The following CALB2 variants were observed in gnomAD, a reference collection of about 807,000 sequenced individuals.
The protein encoded by CALB2 is calretinin.
A neutral mutation model predicts 45.9 loss-of-function variants in CALB2; 34 were observed. The ratio of observed to expected loss-of-function variants is 0.74; its 90% CI spans 0.56 to 0.99. The LOEUF (loss-of-function observed/expected upper bound fraction) is 0.99. CALB2 is among the 50% of genes least tolerant of loss of function. CALB2 has a pLI of 0.00. For missense variants in CALB2, 344 were observed against 339.3 expected, an observed-to-expected ratio of 1.01 and a Z score of -0.11; for synonymous variants, 142 against 129.6, an observed-to-expected ratio of 1.10 and a Z score of -0.65.
intron 10 of CALB2, among the ~76,000 whole-genome samples, chr16:71,386,259 T>C (rs1250781454): frequency 6.6e-6 from 1 of 152,234 alleles, no homozygotes; most frequent in Non-Finnish European, 1.5e-5. Context: ...GACGCTTGGG[T>C]TGCACCCATC....
intron 3 of CALB2, among the ~76,000 whole-genome samples, chr16:71,376,217 G>T (rs11641122): frequency 0.24 from 35,955 of 152,160 alleles, 5,201 homozygotes; most frequent in South Asian, 0.37. Flanking sequence ...GCCACGGGTG[G>T]TATGTCAATG....
At chr16:71,389,660 G>A in intron 10 of CALB2, 89 bp from the exon 11 acceptor site, 1 of 865,952 alleles carries the variant, frequency 1.2e-6, no homozygotes, top group Non-Finnish European at 2.0e-6. Flanking sequence ...AGAAAGGTGT[G>A]GGTGTTTGTG....
intron 1 of CALB2, among the ~76,000 whole-genome samples, chr16:71,362,047 C>G (rs1285238921): frequency 6.6e-6 from 1 of 152,124 alleles, no homozygotes. Flanking sequence ...ACCCAGTGAC[C>G]CTGGTGGGGT....
chr16:71,381,965 T>G (rs1030909269), intron 4 of CALB2, among the ~76,000 whole-genome samples: 1 of 148,312 alleles, frequency 6.7e-6, no homozygotes, highest in Non-Finnish European at 1.5e-5. Flanking sequence ...CAGTAAGCTT[T>G]GGACGCCACT....
At chr16:71,360,959 A>G (rs1470381562) in intron 1 of CALB2, among the ~76,000 whole-genome samples, 1 of 152,066 alleles carries the variant, frequency 6.6e-6, no homozygotes, top group African/African-American at 2.4e-5. Context: ...TCTCCCTCCC[A>G]TTCCCCCAAA....
At chr16:71,362,016 G>C (rs560145585) in intron 1 of CALB2, among the ~76,000 whole-genome samples, 1 of 152,316 alleles carries the variant, frequency 6.6e-6, no homozygotes, top group African/African-American at 2.4e-5. Context: ...GGCTGAGGTA[G>C]GGAAGATGAC....
At chr16:71,362,998 A>G (rs8059488) in intron 1 of CALB2, among the ~76,000 whole-genome samples, 55,701 of 150,932 alleles carry the variant, frequency 0.37, 10,891 homozygotes, top group Admixed American at 0.5. Context: ...TGGGCAATAC[A>G]GTGAGACCCC....
chr16:71,365,833 C>T (rs76424669), intron 1 of CALB2, among the ~76,000 whole-genome samples: 1 of 151,822 alleles, frequency 6.6e-6, no homozygotes, highest in African/African-American at 2.4e-5. Context: ...CTTTACTGTT[C>T]TGAGCTTTAG....
chr16:71,374,903 T>C, intron 3 of CALB2, 69 bp downstream of exon 3: 1 of 1,057,158 alleles, frequency 9.5e-7, no homozygotes, highest in Non-Finnish European at 1.5e-6. Context: ...CTCCCAGGCA[T>C]GAGCATCCTG....
Position 71,374,701 on chromosome 16 carries a change from A to G in CALB2, c.172-44A>G, listed in dbSNP as rs369615740. On this transcript the variant is annotated intron_variant, in intron 2 of 10. Coordinates refer to ENST00000302628, the MANE Select transcript of CALB2 (RefSeq NM_001740.5). Reference sequence around the variant, plus strand: ...TTCCTGCTCTGAGATCATGGTTCACATGAGATACAGCAGCAAAAATCAGCC... The same window carrying G: ...TTCCTGCTCTGAGATCATGGTTCACGTGAGATACAGCAGCAAAAATCAGCC... The G allele has an allele frequency of 1.5e-5, 20 of 1,328,614 alleles. No homozygotes were observed. In the African/African-American group the frequency reaches 2.2e-4, roughly 14 times the overall value. 82.3% of individuals were successfully genotyped at this position (1,328,614 alleles called of 1,614,324 possible). A position where few individuals can be genotyped will look rare whatever the true frequency, so the allele number is the denominator to read the frequency against.
rs2042623709 is a variant in CALB2, at chr16:71,390,330, C to T, written c.*465C>T. The T allele has an allele frequency of 1.3e-5, 2 of 154,588 alleles. No individual in the cohort carries two copies. The highest frequency in any genetic ancestry group is 4.8e-5 in the African/African-American group (2 of 41,522). 9.6% of individuals were successfully genotyped at this position (154,588 alleles called of 1,614,324 possible). A position where few individuals can be genotyped will look rare whatever the true frequency, so the allele number is the denominator to read the frequency against. On this transcript the variant is annotated 3_prime_UTR_variant, in exon 11 of 11. Transcript: ENST00000302628. The stretch of plus-strand genomic sequence containing the variant: ...TGTGTGTGGAAGGCACCCGCCCTTT[C>T]CTTGCCTTCTTTACTCGGCGTGCTC...
rs1567544354 is a variant in CALB2, at chr16:71,384,854, C to CA, written c.627+19dup. 1 of 1,609,808 alleles carries CA rather than the reference C, an allele frequency of 6.2e-7. No individual in the cohort carries two copies. The highest frequency in any genetic ancestry group is 2.2e-5 in the East Asian group (1 of 44,750). On this transcript the variant is annotated intron_variant, in intron 9 of 10. Coordinates refer to ENST00000302628, the MANE Select transcript of CALB2 (RefSeq NM_001740.5). Reference sequence around the variant, plus strand: ...ACGACAAGGTAAGAGAGGGAGTTGGCATGGCAGGGAAAATCAGAAGCCCAT... The same window carrying CA: ...ACGACAAGGTAAGAGAGGGAGTTGGCAATGGCAGGGAAAATCAGAAGCCCAT...
intron 4 of CALB2, among the ~76,000 whole-genome samples, chr16:71,382,162 A>AGGAAGGAAGGAAGGAAGGAAGGAAAAGG (rs1567542446): frequency 9.6e-5 from 6 of 62,200 alleles, no homozygotes; most frequent in African/African-American, 3.4e-4. Context: ...GAAAGAAAAT[A>AGGAAGGAAGGAAGGAAGGAAGGAAAAGG]AAGGAAGGAA....
intron 4 of CALB2, 118 bp from the exon 5 acceptor site, chr16:71,382,601 T>TC (rs1271560366): frequency 5.4e-6 from 5 of 923,462 alleles, no homozygotes; most frequent in Non-Finnish European, 8.6e-6. Flanking sequence ...CATGTCTCCA[T>TC]CCCATTCCGA....
intron 10 of CALB2, among the ~76,000 whole-genome samples, chr16:71,386,739 T>G (rs766820345): frequency 6.6e-6 from 1 of 152,234 alleles, no homozygotes; most frequent in Non-Finnish European, 1.5e-5. Context: ...TCTCACCGCC[T>G]TGGCTGACAA....
chr16:71,379,653 G>A (rs548505317), intron 4 of CALB2, among the ~76,000 whole-genome samples: 3 of 152,224 alleles, frequency 2.0e-5, no homozygotes, highest in South Asian at 2.1e-4. Context: ...GGCCTTCGAC[G>A]TGACTCTCTG....
chr16:71,363,114 G>C (rs2042250466), intron 1 of CALB2, among the ~76,000 whole-genome samples: 1 of 152,206 alleles, frequency 6.6e-6, no homozygotes. Context: ...AGCCCAGGTA[G>C]TCCAAGCCTG....
chr16:71,380,050 T>C (rs983923298), intron 4 of CALB2, among the ~76,000 whole-genome samples: 7 of 152,096 alleles, frequency 4.6e-5, no homozygotes, highest in South Asian at 2.1e-4. Context: ...TTTCCAACTA[T>C]AGAAAAGGGA....
At chr16:71,364,157 C>T (rs2042259552) in intron 1 of CALB2, among the ~76,000 whole-genome samples, 1 of 152,220 alleles carries the variant, frequency 6.6e-6, no homozygotes, top group Non-Finnish European at 1.5e-5. Flanking sequence ...TATGGCTCTG[C>T]TTCTCAGACT....
Sources: gnomAD v4.1 joint callset for allele counts (sites outside exome capture counted in the v4.1 genomes callset) on GRCh38, gnomAD v4.1.1 for gene constraint, MANE v1.5 for transcripts, NCBI Gene and HGNC (gene_info 2026-07-23, HGNC 2026-07-21) for gene names.